The following RGS8 variants were observed in gnomAD, a reference collection of about 807,000 sequenced individuals.
RGS8 encodes the protein regulator of G-protein signaling 8.
In RGS8, 8 loss-of-function variants were observed where a neutral mutation model predicts 21.7. The observed-to-expected ratio is 0.37, with a 90% CI of 0.22 to 0.66. The LOEUF (loss-of-function observed/expected upper bound fraction) is 0.66, where lower values mean the gene tolerates loss of function less well. RGS8 is among the 30% of genes least tolerant of loss of function. RGS8 has a pLI of 0.59. For synonymous variants in RGS8, 80 were observed against 83.6 expected (o/e 0.96, Z 0.24); for missense variants, 157 against 217.9 (o/e 0.72, Z 1.76).
chr1:182,740,196 T>G, the RGS8 span, among the ~76,000 whole-genome samples: 2 of 152,234 alleles, frequency 1.3e-5, no homozygotes, highest in South Asian at 2.1e-4. Context: ...CCAACTGGCC[T>G]GCTGTAATAG....
chr1:182,691,486 T>C, the RGS8 span, among the ~76,000 whole-genome samples: 1 of 151,840 alleles, frequency 6.6e-6, no homozygotes, highest in Non-Finnish European at 1.5e-5. Context: ...GCAAGTTTGG[T>C]GTAACATATG....
chr1:182,678,192 A>G lies in RGS8; in HGVS notation n.222-5260T>C, dbSNP rs75347377. On this transcript the variant is annotated intron_variant and non_coding_transcript_variant, in intron 1 of 4. Coordinates refer to the RGS8 transcript ENST00000515211. ...GTTGAAATGATATGCTATCATGAAC[A>G]GCTTCAACATCATCTTGGGTGGGAA... Among the ~76,000 whole-genome samples, 661 of 152,344 alleles carry G rather than the reference A, an allele frequency of 4.3e-3. 3 individuals are homozygous for G. Among genetic ancestry groups the G allele is most frequent in the African/African-American group, 0.015 (633 of 41,580 alleles).
intron 5 of RGS8, among the ~76,000 whole-genome samples, chr1:182,663,295 C>T (rs1663692353): frequency 6.6e-6 from 1 of 152,196 alleles, no homozygotes; most frequent in Admixed American, 6.5e-5. Flanking sequence ...GGGCTGACTG[C>T]TCCATAGCCT....
intron 5 of RGS8, among the ~76,000 whole-genome samples, chr1:182,656,328 C>G (rs1220879805): frequency 6.6e-6 from 1 of 152,112 alleles, no homozygotes; most frequent in African/African-American, 2.4e-5. Context: ...TACCACAGCC[C>G]AGCAAGTGTA....
intron 5 of RGS8, among the ~76,000 whole-genome samples, chr1:182,650,199 C>G (rs1662939726): frequency 6.6e-6 from 1 of 152,074 alleles, no homozygotes; most frequent in Non-Finnish European, 1.5e-5. Context: ...CGTGAGCCAC[C>G]ACGCCCGGCC....
intron 5 of RGS8, among the ~76,000 whole-genome samples, chr1:182,650,222 T>C (rs1662941018): frequency 1.3e-5 from 2 of 152,170 alleles, no homozygotes; most frequent in Non-Finnish European, 1.5e-5. Context: ...CAACTCTTAA[T>C]TCTAGGTGAC....
At chr1:182,654,962 G>C (rs1237959658) in intron 5 of RGS8, among the ~76,000 whole-genome samples, 1 of 152,152 alleles carries the variant, frequency 6.6e-6, no homozygotes, top group Non-Finnish European at 1.5e-5. Flanking sequence ...TGAAGCCAGA[G>C]AAAGAATTTT....
upstream of RGS8, among the ~76,000 whole-genome samples, chr1:182,685,837 T>C (rs150739526): frequency 6.6e-6 from 1 of 152,194 alleles, no homozygotes; most frequent in African/African-American, 2.4e-5. Context: ...GGGAACCTAG[T>C]ATGTGCTGTG....
chr1:182,713,777 A>G, the RGS8 span, among the ~76,000 whole-genome samples: 1 of 152,188 alleles, frequency 6.6e-6, no homozygotes, highest in African/African-American at 2.4e-5. Context: ...CATGGTACGC[A>G]TACACGCCAG....
chr1:182,657,482 G>A (rs954722804), intron 5 of RGS8, among the ~76,000 whole-genome samples: 2 of 152,064 alleles, frequency 1.3e-5, no homozygotes, highest in African/African-American at 4.8e-5. Context: ...TGTTTCCTCT[G>A]CCGGGGCCCC....
At chr1:182,665,299 GAA>G (rs1486516623) in intron 5 of RGS8, among the ~76,000 whole-genome samples, 4 of 152,158 alleles carry the variant, frequency 2.6e-5, no homozygotes, top group Non-Finnish European at 5.9e-5. Flanking sequence ...AGCAAGAGAT[GAA>G]AAGTTTGGCT....
chr1:182,720,938 T>TATATAC, the RGS8 span, among the ~76,000 whole-genome samples: 48 of 74,510 alleles, frequency 6.4e-4, 3 homozygotes, highest in African/African-American at 2.8e-3. Flanking sequence ...CATATATACA[T>TATATAC]ATATATACAT....
chr1:182,749,633 C>T, the RGS8 span, among the ~76,000 whole-genome samples: 1 of 152,078 alleles, frequency 6.6e-6, no homozygotes, highest in Non-Finnish European at 1.5e-5. Flanking sequence ...TTAAGCATAT[C>T]ACTGGTATTT....
At chr1:182,732,219 G>GCT in the RGS8 span, among the ~76,000 whole-genome samples, 3 of 150,928 alleles carry the variant, frequency 2.0e-5, no homozygotes, top group South Asian at 2.1e-4. Context: ...CAGAACAAGC[G>GCT]CTCTCTCTCT....
At chr1:182,666,782 A>G (rs1204681209) in intron 4 of RGS8, 90 bp downstream of exon 5, 2 of 912,500 alleles carry the variant, frequency 2.2e-6, no homozygotes, top group Non-Finnish European at 1.8e-6. Context: ...GGATTTTTCC[A>G]GTGGCTCATC....
the RGS8 span, among the ~76,000 whole-genome samples, chr1:182,701,301 A>T: frequency 2.0e-5 from 3 of 152,224 alleles, no homozygotes; most frequent in African/African-American, 7.2e-5. Flanking sequence ...TAGATATTAC[A>T]TGTATCCATG....
the RGS8 span, among the ~76,000 whole-genome samples, chr1:182,709,839 A>C: frequency 6.6e-6 from 1 of 152,204 alleles, no homozygotes. Context: ...GGGGATAATA[A>C]AAATTACCTA....
At chr1:182,714,301 T>C in the RGS8 span, 2 of 152,248 alleles carry the variant, frequency 1.3e-5, no homozygotes, top group Admixed American at 6.5e-5. Context: ...TTCATGTCTT[T>C]CTTTCCATTA....
upstream of RGS8, chr1:182,672,399 A>G: frequency 1.1e-5 from 3 of 262,780 alleles, no homozygotes; most frequent in Non-Finnish European, 2.2e-5. Flanking sequence ...ACACATCTAA[A>G]TTCCACCCCC....
Sources: allele counts gnomAD v4.1 joint callset (sites outside exome capture counted in the v4.1 genomes callset), GRCh38; gene constraint gnomAD v4.1.1; transcripts MANE v1.5; gene names NCBI Gene and HGNC (gene_info 2026-07-23, HGNC 2026-07-21).